Variants in SYT12 observed in about 807,000 individuals in gnomAD.
SYT12 encodes synaptotagmin-12.
SYT12 carries 27 observed loss-of-function variants against 39.5 expected under a neutral mutation model. That is an observed-to-expected ratio of 0.68 (90% confidence interval 0.50 to 0.94). The LOEUF is 0.94. SYT12 is among the 40% of genes least tolerant of loss of function. The pLI is 0.00. For missense variants in SYT12, 536 were observed against 572.6 expected, an observed-to-expected ratio of 0.94 and a Z score of 0.65; for synonymous variants, 233 against 239.7, an observed-to-expected ratio of 0.97 and a Z score of 0.26.
At chr11:67,036,356 G>C (rs1017168295) in intron 3 of SYT12, among the ~76,000 whole-genome samples, 20 of 152,224 alleles carry the variant, frequency 1.3e-4, no homozygotes, top group Admixed American at 1.2e-3. Flanking sequence ...AAATAATGCA[G>C]TGGATGTTCT....
At chr11:67,020,061 C>T (rs1950093849), upstream of SYT12, among the ~76,000 whole-genome samples, 3 of 152,140 alleles carry the variant, frequency 2.0e-5, no homozygotes, top group Admixed American at 1.3e-4. Context: ...TTCAGGCCAA[C>T]CTCAGGGTGG....
intron 4 of SYT12, among the ~76,000 whole-genome samples, chr11:67,042,458 G>A (rs1012926748): frequency 6.6e-6 from 1 of 152,130 alleles, no homozygotes; most frequent in African/African-American, 2.4e-5. Flanking sequence ...AGCCCCTGAC[G>A]CCAACAGGAC....
Position 67,034,679 on chromosome 11 carries a change from C to T in SYT12, c.69C>T (p.Val23=). The change falls in exon 3 of 8, where the codon GTC becomes GTT. Residue 23 remains valine, a synonymous_variant. Coordinates refer to ENST00000527043, the MANE Select transcript of SYT12 (RefSeq NM_177963.4). The part of the protein sequence containing the change: ...IKSPPGWEVG[V]YAAGALALLG... ...GCCCCCCTGGCTGGGAGGTGGGTGT[C>T]TATGCTGCAGGGGCCCTGGCCCTGC... The T allele has an allele frequency of 6.3e-7, 1 of 1,599,130 alleles. No homozygotes were observed. Among genetic ancestry groups the T allele is most frequent in the Non-Finnish European group, 8.5e-7 (1 of 1,174,108 alleles).
chr11:67,016,156 C>G (rs1284011904), intron 3 of SYT12, among the ~76,000 whole-genome samples: 1 of 152,082 alleles, frequency 6.6e-6, no homozygotes, highest in Non-Finnish European at 1.5e-5. Flanking sequence ...TGGCACACAC[C>G]TGTAATCCCA....
At chr11:67,038,774 G>A (rs1031037242) in intron 3 of SYT12, among the ~76,000 whole-genome samples, 2 of 146,620 alleles carry the variant, frequency 1.4e-5, no homozygotes, top group African/African-American at 5.1e-5. Flanking sequence ...AGATCACAAG[G>A]TCAGGAGTTC....
At chr11:67,010,760 G>C (rs956736041) in intron 2 of SYT12, 3 of 152,246 alleles carry the variant, frequency 2.0e-5, no homozygotes, top group Admixed American at 2.0e-4. Context: ...TCTTCTGGTT[G>C]TCCTGTGTGA....
chr11:67,019,080 T>C (rs1281174329), upstream of SYT12, among the ~76,000 whole-genome samples: 1 of 152,116 alleles, frequency 6.6e-6, no homozygotes, highest in Admixed American at 6.5e-5. Context: ...TCCTCATGAC[T>C]GGGGAGGCTT....
intron 2 of SYT12, among the ~76,000 whole-genome samples, chr11:67,033,912 G>A (rs1264367160): frequency 6.6e-6 from 1 of 152,154 alleles, no homozygotes; most frequent in Non-Finnish European, 1.5e-5. Context: ...CGTTTTCGGG[G>A]GCAGCAAGGC....
At chr11:67,012,283 A>C (rs1464927762) in intron 3 of SYT12, among the ~76,000 whole-genome samples, 1 of 152,052 alleles carries the variant, frequency 6.6e-6, no homozygotes, top group Non-Finnish European at 1.5e-5. Context: ...AGGCAGGAGA[A>C]TCGCTTGAAC....
At chr11:67,017,967 A>G (rs1183177028) in intron 3 of SYT12, among the ~76,000 whole-genome samples, 4 of 150,708 alleles carry the variant, frequency 2.7e-5, no homozygotes. Flanking sequence ...TATCAAAGAA[A>G]AAAAATTTTA....
At chr11:67,024,688 T>G (rs1285270049) in intron 1 of SYT12, among the ~76,000 whole-genome samples, 1 of 152,202 alleles carries the variant, frequency 6.6e-6, no homozygotes, top group East Asian at 1.9e-4. Context: ...GTCCTGCGGT[T>G]TCTGTGGGCT....
chr11:67,023,913 C>A (rs906766052), intron 1 of SYT12, among the ~76,000 whole-genome samples: 6 of 152,256 alleles, frequency 3.9e-5, no homozygotes, highest in Non-Finnish European at 1.5e-5. Flanking sequence ...GAACGTTGCA[C>A]CCCAGCCCGA....
At position 67,049,705 on chromosome 11, in the gene SYT12, C is replaced by T. The variant is rs1854691229; in HGVS notation, c.*948C>T. Reference sequence around the variant, plus strand: ...AGAGGTCTTGGTGGGCTGCACGTGCCTGCGAAGATGTGGTGGACAAGGAGG... The same window carrying T: ...AGAGGTCTTGGTGGGCTGCACGTGCTTGCGAAGATGTGGTGGACAAGGAGG... On this transcript the variant is annotated 3_prime_UTR_variant, in exon 8 of 8. Coordinates refer to ENST00000527043, the MANE Select transcript of SYT12 (RefSeq NM_177963.4). 1 of 152,322 alleles carries T rather than the reference C, an allele frequency of 6.6e-6. No individual in the cohort carries two copies. The highest frequency in any genetic ancestry group is 6.5e-5 in the Admixed American group (1 of 15,282). The allele number at this position is 152,322 out of a possible 1,614,324, so 9.4% of individuals were successfully genotyped here.
rs1949978728 is a variant in SYT12 at position 67,007,456 on chromosome 11, G to C, written c.-485+1G>C. On this transcript the variant is annotated splice_donor_variant, in intron 1 of 10. Transcript: ENST00000393946. LOFTEE classifies it low-confidence loss of function (5UTR_SPLICE). ...GAACACTTCCTTCAAACTCCTTCAG[G>C]TTTGCTATTTTTATCTGCGGAGTTC... The C allele has an allele frequency of 6.6e-6, 1 of 152,244 alleles. No individual in the cohort carries two copies. The highest frequency in any genetic ancestry group is 1.5e-5 in the Non-Finnish European group (1 of 68,060). 9.4% of individuals were successfully genotyped at this position (152,244 alleles called of 1,614,324 possible). A position where few individuals can be genotyped will look rare whatever the true frequency, so the allele number is the denominator to read the frequency against.
upstream of SYT12, chr11:67,021,827 C>G (rs1950112451): frequency 6.6e-6 from 1 of 152,202 alleles, no homozygotes; most frequent in Admixed American, 6.5e-5. Context: ...TACCCAGGCC[C>G]CCCGCCCCAT....
chr11:67,042,680 C>T (rs1026758332), intron 4 of SYT12, among the ~76,000 whole-genome samples: 21 of 152,074 alleles, frequency 1.4e-4, no homozygotes, highest in African/African-American at 4.8e-4. Flanking sequence ...CTAATTTAGC[C>T]GAAGGAGGGA....
chr11:67,032,061 C>T (rs568336523), intron 2 of SYT12: 2 of 152,398 alleles, frequency 1.3e-5, no homozygotes, highest in South Asian at 4.1e-4. Flanking sequence ...CTTCCACCGT[C>T]GTTACCCATT....
At chr11:67,040,755 G>A (rs182267158) in intron 4 of SYT12, among the ~76,000 whole-genome samples, 163 of 151,986 alleles carry the variant, frequency 1.1e-3, no homozygotes, top group Non-Finnish European at 1.5e-3. Context: ...GGAGAATGGC[G>A]TGAACCTGGG....
intron 4 of SYT12, among the ~76,000 whole-genome samples, chr11:67,040,561 T>C (rs543716715): frequency 6.6e-6 from 1 of 152,276 alleles, no homozygotes; most frequent in African/African-American, 2.4e-5. Context: ...GGACTGGGGC[T>C]GGTTGTGGTG....
Sources: gnomAD v4.1 joint callset for allele counts (sites outside exome capture counted in the v4.1 genomes callset) on GRCh38, gnomAD v4.1.1 for gene constraint, MANE v1.5 for transcripts, NCBI Gene and HGNC (gene_info 2026-07-23, HGNC 2026-07-21) for gene names.